KNL1: variants seen among roughly 807,000 people sequenced by gnomAD.
KNL1 encodes kinetochore scaffold 1, also known as outer kinetochore KNL1 complex subunit KNL1.
Under a neutral mutation model 201.3 loss-of-function variants are expected in KNL1, and 66 were observed. The ratio of observed to expected loss-of-function variants is 0.33; its 90% CI spans 0.27 to 0.40. The LOEUF is 0.40. Ranked by LOEUF, KNL1 falls within the 10% of genes least tolerant of loss-of-function variation. The probability of loss-of-function intolerance (pLI) is 1.00; values close to 1 mark genes in which losing one functional copy is unlikely to be tolerated. For missense variants in KNL1, 2,815 were observed against 2,690.5 expected (o/e 1.05, Z -1.02); for synonymous variants, 895 against 899.2 (o/e 1.00, Z 0.08).
intron 6 of KNL1, chr15:40,610,953 TTGG>T: frequency 2.6e-6 from 1 of 391,814 alleles, no homozygotes; most frequent in Non-Finnish European, 5.1e-6. Flanking sequence ...TTTCACCATA[TTGG>T]CCAGGCTGGT....
At chr15:40,658,561 C>CAAAAAAAAAAAAAAAAAAAAAAAAAAAA (rs35180053) in intron 24 of KNL1, among the ~76,000 whole-genome samples, 1 of 74,168 alleles carries the variant, frequency 1.3e-5, no homozygotes, top group Non-Finnish European at 2.4e-5. Flanking sequence ...GAATCTGTCT[C>CAAAAAAAAAAAAAAAAAAAAAAAAAAAA]AAAAAAAAAA....
At chr15:40,636,169 G>T (rs1024017073) in intron 13 of KNL1, among the ~76,000 whole-genome samples, 2 of 152,192 alleles carry the variant, frequency 1.3e-5, no homozygotes, top group African/African-American at 4.8e-5. Flanking sequence ...GCTCCTGCTA[G>T]GCTTGAAGTT....
At chr15:40,652,452 ATTCTT>A (rs1159088671) in intron 21 of KNL1, among the ~76,000 whole-genome samples, 2 of 124,126 alleles carry the variant, frequency 1.6e-5, no homozygotes, top group Admixed American at 8.8e-5. Context: ...ATGGCTGGAG[ATTCTT>A]TTTTTTTTTT....
At chr15:40,606,843 T>C (rs1407766050) in intron 4 of KNL1, among the ~76,000 whole-genome samples, 1 of 152,104 alleles carries the variant, frequency 6.6e-6, no homozygotes, top group Non-Finnish European at 1.5e-5. Context: ...CACTGCAACC[T>C]CCTCCCCCTG....
intron 16 of KNL1, among the ~76,000 whole-genome samples, 168 bp downstream of exon 16, chr15:40,645,940 T>C (rs1893371153): frequency 6.6e-6 from 1 of 152,224 alleles, no homozygotes; most frequent in South Asian, 2.1e-4. Context: ...AATCCTGACA[T>C]CTTGAGTAAT....
Position 40,623,853 on chromosome 15 carries a change from T to C in KNL1, c.3589T>C (p.Leu1197=). The C allele has an allele frequency of 6.2e-7, 1 of 1,613,498 alleles. No individual in the cohort carries two copies. The highest frequency in any genetic ancestry group is 2.2e-5 in the East Asian group (1 of 44,862). The change falls in exon 10 of 26, where the codon TTG becomes CTG. Residue 1197 remains leucine, a synonymous_variant. Coordinates refer to ENST00000399668, the MANE Select transcript of KNL1 (RefSeq NM_144508.5). ...PKFGIGKGKN[L]GVSFPKDNSC... is the part of the protein sequence containing the mutation. ...ATTTGGAATAGGAAAAGGAAAAAACTTGGGTGTTTCCTTTCCTAAGGATAA... is the reference window on the plus strand; with the variant it reads ...ATTTGGAATAGGAAAAGGAAAAAACCTGGGTGTTTCCTTTCCTAAGGATAA...
intron 1 of KNL1, among the ~76,000 whole-genome samples, chr15:40,598,065 G>T (rs946621247): frequency 6.6e-6 from 1 of 151,950 alleles, no homozygotes; most frequent in African/African-American, 2.4e-5. Flanking sequence ...AGCTACTCTG[G>T]CGGGTGAGGC....
rs151096158 is a variant in KNL1 at position 40,626,648 on chromosome 15, C to T, written c.5376+1008C>T. Among the ~76,000 whole-genome samples the T allele has an allele frequency of 6.8e-3, 1,030 of 152,178 alleles. 8 individuals are homozygous for T. The highest frequency in any genetic ancestry group is 0.024 in the African/African-American group (985 of 41,530). ...AGGCTGGAGTGCAGTGGCGCGATCT[C>T]GGCTCACTGCAACCTCCATCTCCCT... On this transcript the variant is annotated intron_variant, in intron 10 of 25. Coordinates refer to ENST00000399668, the MANE Select transcript of KNL1 (RefSeq NM_144508.5).
At chr15:40,642,532 G>T (rs1331499946) in intron 14 of KNL1, among the ~76,000 whole-genome samples, 14 of 152,156 alleles carry the variant, frequency 9.2e-5, no homozygotes. Context: ...ATGCACTGGG[G>T]TTCATCGCTG....
chr15:40,641,067 G>C (rs2141747630), intron 14 of KNL1, 40 bp downstream of exon 14: 1 of 1,325,138 alleles, frequency 7.5e-7, no homozygotes, highest in Middle Eastern at 1.8e-4. Flanking sequence ...TTTTTGAGGG[G>C]AGGGATCAGT....
rs764719573 is a variant in KNL1, at chr15:40,628,638, A to G, written c.5543A>G (p.Gln1848Arg). Residue 1848 changes from glutamine to arginine, a missense_variant, in exon 12 of 26, where the codon CAG becomes CGG. Transcript: ENST00000399668. The stretch of plus-strand genomic sequence containing the variant: ...TACCGCAGTAGTCAAATGGAATCAC[A>G]GTTTCTCAGAGATACTATTTGTGAA... Reference protein sequence around the residue: ...STYRSSQMESQFLRDTICEES... With the variant: ...STYRSSQMESRFLRDTICEES... The G allele has an allele frequency of 2.9e-5, 46 of 1,602,742 alleles. No homozygotes were observed. The South Asian group carries it at 5.1e-4, about 18-fold the overall frequency.
chr15:40,639,242 C>T (rs1425841515), intron 13 of KNL1, among the ~76,000 whole-genome samples: 1 of 146,932 alleles, frequency 6.8e-6, no homozygotes, highest in Non-Finnish European at 1.5e-5. Context: ...ATCACTTGAT[C>T]TGGGAGTTTG....
Position 40,659,420 on chromosome 15 carries a change from A to G in KNL1, c.6795A>G (p.Val2265=). The change falls in exon 25 of 26, where the codon GTA becomes GTG. Residue 2265 remains valine (V), a synonymous_variant. Transcript: ENST00000399668. Reference sequence around the variant, plus strand: ...TTCTCTCAGCCTATTATCCATCTGTACCATTACCTTCCACCATTCAGAATC... The same window carrying G: ...TTCTCTCAGCCTATTATCCATCTGTGCCATTACCTTCCACCATTCAGAATC... ...TLFLSAYYPS[V]PLPSTIQNHV... The G allele has an allele frequency of 6.2e-7, 1 of 1,613,886 alleles. No individual in the cohort carries two copies. Among genetic ancestry groups the G allele is most frequent in the Non-Finnish European group, 8.5e-7 (1 of 1,179,800 alleles).
chr15:40,641,728 C>G (rs1354152560), intron 14 of KNL1, among the ~76,000 whole-genome samples: 2 of 152,168 alleles, frequency 1.3e-5, no homozygotes, highest in Non-Finnish European at 2.9e-5. Flanking sequence ...GTCCAAAATC[C>G]AAAACACTTC....
chr15:40,599,589 G>C (rs1438529297), intron 1 of KNL1, among the ~76,000 whole-genome samples: 1 of 151,666 alleles, frequency 6.6e-6, no homozygotes, highest in Non-Finnish European at 1.5e-5. Flanking sequence ...TTGCCGTGTT[G>C]TCCAGGCCCC....
chr15:40,656,203 G>A (rs1014984993), intron 22 of KNL1, among the ~76,000 whole-genome samples: 1 of 152,072 alleles, frequency 6.6e-6, no homozygotes, highest in African/African-American at 2.4e-5. Flanking sequence ...GACCAAGGCG[G>A]GCGGATCACT....
At chr15:40,631,740 G>A (rs4924489) in intron 13 of KNL1, among the ~76,000 whole-genome samples, 11,731 of 152,240 alleles carry the variant, frequency 0.077, 619 homozygotes, top group Non-Finnish European at 0.11. Flanking sequence ...CAGGCATGGT[G>A]GCTCACACCT....
intron 24 of KNL1, 41 bp downstream of exon 24, chr15:40,657,514 T>G: frequency 9.6e-7 from 1 of 1,046,438 alleles, no homozygotes; most frequent in Non-Finnish European, 1.5e-6. Flanking sequence ...GACAGAGTAC[T>G]ACAAATTGGG....
At chr15:40,612,760 G>A (rs1229288396) in intron 7 of KNL1, among the ~76,000 whole-genome samples, 2 of 151,906 alleles carry the variant, frequency 1.3e-5, no homozygotes, top group African/African-American at 2.4e-5. Context: ...CTCGTGATCC[G>A]CCCACTTTGG....
Sources: gnomAD v4.1 joint callset for allele counts (sites outside exome capture counted in the v4.1 genomes callset) on GRCh38, gnomAD v4.1.1 for gene constraint, MANE v1.5 for transcripts, NCBI Gene and HGNC (gene_info 2026-07-23, HGNC 2026-07-21) for gene names.